The following POU6F2 variants were observed in gnomAD, a reference collection of about 807,000 sequenced individuals.
POU6F2 encodes POU domain, class 6, transcription factor 2.
A neutral mutation model predicts 71.3 loss-of-function variants in POU6F2; 31 were observed. That is an observed-to-expected ratio of 0.43 (90% CI 0.33 to 0.59). The LOEUF (loss-of-function observed/expected upper bound fraction) is 0.59, where lower values mean the gene tolerates loss of function less well. Among genes scored for constraint, POU6F2 ranks in the 20% least tolerant of loss-of-function variants. POU6F2 has a pLI of 0.04. For missense variants in POU6F2, 783 were observed against 856.8 expected, an observed-to-expected ratio of 0.91 and a Z score of 1.07; for synonymous variants, 347 against 355.7, an observed-to-expected ratio of 0.98 and a Z score of 0.27.
chr7:39,279,816 G>A (rs1008949854), intron 4 of POU6F2, among the ~76,000 whole-genome samples: 17 of 152,056 alleles, frequency 1.1e-4, no homozygotes, highest in African/African-American at 3.4e-4. Flanking sequence ...GAGCGATCTC[G>A]GCTTCCTGCA....
At chr7:39,039,749 C>A (rs1790142173) in intron 1 of POU6F2, among the ~76,000 whole-genome samples, 1 of 150,730 alleles carries the variant, frequency 6.6e-6, no homozygotes, top group Non-Finnish European at 1.5e-5. Context: ...AATCTAGTAT[C>A]CCATGAAAGG....
At chr7:39,335,592 G>A (rs1785753514) in intron 4 of POU6F2, among the ~76,000 whole-genome samples, 1 of 152,220 alleles carries the variant, frequency 6.6e-6, no homozygotes, top group Non-Finnish European at 1.5e-5. Flanking sequence ...TTCACTGGCT[G>A]TGTAAACTTG....
intron 1 of POU6F2, among the ~76,000 whole-genome samples, chr7:39,019,447 G>A (rs551770981): frequency 6.6e-6 from 1 of 151,926 alleles, no homozygotes; most frequent in South Asian, 2.1e-4. Context: ...TCTGCTCAAC[G>A]CCATATGGAA....
chr7:39,016,591 T>C (rs1375744283), intron 1 of POU6F2, among the ~76,000 whole-genome samples: 1 of 152,128 alleles, frequency 6.6e-6, no homozygotes, highest in East Asian at 1.9e-4. Context: ...AGACTCTAGC[T>C]AACCAAAGTC....
chr7:39,069,982 C>T (rs1790841024), intron 1 of POU6F2, among the ~76,000 whole-genome samples: 1 of 152,088 alleles, frequency 6.6e-6, no homozygotes. Flanking sequence ...TAAGACTGCG[C>T]TGGGAGCTAG....
At chr7:39,200,126 G>T (rs1793867233) in intron 2 of POU6F2, among the ~76,000 whole-genome samples, 2 of 152,186 alleles carry the variant, frequency 1.3e-5, no homozygotes, top group Admixed American at 6.5e-5. Context: ...AGGCCAAGGG[G>T]ATTACACTAG....
At chr7:39,451,448 A>G in intron 7 of POU6F2, 85 bp from the exon 8 acceptor site, 1 of 1,319,220 alleles carries the variant, frequency 7.6e-7, no homozygotes, top group Middle Eastern at 1.9e-4. Context: ...AAAATGATTC[A>G]CTCCCAGATA....
intron 1 of POU6F2, among the ~76,000 whole-genome samples, chr7:39,015,308 TATATA>T: frequency 7.2e-6 from 1 of 138,490 alleles, no homozygotes; most frequent in Non-Finnish European, 1.5e-5. Context: ...TAAATATCTA[TATATA>T]ATAATAGATA....
chr7:39,026,514 A>T (rs1789805097), intron 1 of POU6F2, among the ~76,000 whole-genome samples: 1 of 151,566 alleles, frequency 6.6e-6, no homozygotes, highest in Non-Finnish European at 1.5e-5. Flanking sequence ...AAAACCAAAC[A>T]CCGCATGTTC....
chr7:39,028,950 T>A (rs945058574), intron 1 of POU6F2, among the ~76,000 whole-genome samples: 4 of 152,048 alleles, frequency 2.6e-5, no homozygotes, highest in African/African-American at 9.7e-5. Flanking sequence ...ATAGGCACTA[T>A]ACCTATAGCT....
intron 4 of POU6F2, among the ~76,000 whole-genome samples, chr7:39,294,367 C>T (rs1474414528): frequency 7.0e-6 from 1 of 143,286 alleles, no homozygotes; most frequent in Non-Finnish European, 1.5e-5. Context: ...TGGCAAAAAG[C>T]GATGGCAAAA....
At chr7:39,125,471 C>T (rs912816151) in intron 2 of POU6F2, among the ~76,000 whole-genome samples, 5 of 152,114 alleles carry the variant, frequency 3.3e-5, no homozygotes, top group African/African-American at 7.2e-5. Context: ...CTGCCTGATT[C>T]GCTGCCTTTT....
intron 1 of POU6F2, among the ~76,000 whole-genome samples, chr7:39,013,802 G>GT (rs1321418973): frequency 6.6e-6 from 1 of 152,138 alleles, no homozygotes; most frequent in East Asian, 1.9e-4. Flanking sequence ...GGAAATAGTT[G>GT]TAATATGTCA....
intron 6 of POU6F2, among the ~76,000 whole-genome samples, chr7:39,428,366 G>A (rs1292769003): frequency 1.3e-5 from 2 of 152,162 alleles, no homozygotes; most frequent in Non-Finnish European, 2.9e-5. Context: ...ACTGTTTTAG[G>A]TCACAAATTA....
intron 2 of POU6F2, among the ~76,000 whole-genome samples, chr7:39,142,498 G>A (rs568040335): frequency 5.3e-5 from 8 of 152,240 alleles, no homozygotes; most frequent in Non-Finnish European, 1.2e-4. Flanking sequence ...GGTAACTAAT[G>A]AAAAAGAAAA....
chr7:39,314,468 T>C (rs1360487705), intron 4 of POU6F2, among the ~76,000 whole-genome samples: 1 of 152,184 alleles, frequency 6.6e-6, no homozygotes, highest in Non-Finnish European at 1.5e-5. Context: ...ATTGAGTTGG[T>C]TTAGGGCATT....
At chr7:39,246,101 G>A (rs1228280811) in intron 4 of POU6F2, among the ~76,000 whole-genome samples, 1 of 152,178 alleles carries the variant, frequency 6.6e-6, no homozygotes, top group Non-Finnish European at 1.5e-5. Flanking sequence ...AGGCTTTTCT[G>A]TCACCTGCTA....
At chr7:39,213,871 C>T (rs1794190219) in intron 4 of POU6F2, among the ~76,000 whole-genome samples, 1 of 152,174 alleles carries the variant, frequency 6.6e-6, no homozygotes, top group African/African-American at 2.4e-5. Flanking sequence ...TCTCTTTGGC[C>T]CTTGGCCACA....
chr7:39,435,240 A>T (rs138184431), intron 7 of POU6F2, among the ~76,000 whole-genome samples: 3 of 152,166 alleles, frequency 2.0e-5, no homozygotes, highest in Non-Finnish European at 4.4e-5. Flanking sequence ...ACTAATTTAC[A>T]TTCCCACCAA....
Sources: gnomAD v4.1 joint callset for allele counts (sites outside exome capture counted in the v4.1 genomes callset) on GRCh38, gnomAD v4.1.1 for gene constraint, MANE v1.5 for transcripts, NCBI Gene and HGNC (gene_info 2026-07-23, HGNC 2026-07-21) for gene names.